The following CDK6 variants were observed in gnomAD, a reference collection of about 807,000 sequenced individuals.
CDK6 encodes the protein cyclin dependent kinase 6.
CDK6 carries 6 observed loss-of-function variants against 37.1 expected under a neutral mutation model. That is an observed-to-expected ratio of 0.16 (90% CI 0.09 to 0.32). CDK6 has a LOEUF of 0.32. CDK6 is among the 10% of genes least tolerant of loss of function. The pLI is 1.00. For synonymous variants in CDK6, 160 were observed against 161.3 expected (o/e 0.99, Z 0.06); for missense variants, 224 against 418.9 (o/e 0.53, Z 4.06).
chr7:92,623,359 G>A lies in CDK6; in HGVS notation c.648-273C>T, dbSNP rs904273662. On this transcript the variant is annotated intron_variant, in intron 5 of 7. Coordinates refer to ENST00000424848, the MANE Select transcript of CDK6 (RefSeq NM_001145306.2). ...CAGTCATTCTTACAACAGTGCTACCGTCAAATTCAGTTCCAGGTTTCAAAG... is the reference window on the plus strand; with the variant it reads ...CAGTCATTCTTACAACAGTGCTACCATCAAATTCAGTTCCAGGTTTCAAAG... 8.5e-5 allele frequency among the ~76,000 whole-genome samples: 13 copies of A among 152,228 alleles called. 1 individual carries two copies. The East Asian group carries it at 1.9e-3, about 23-fold the overall frequency.
chr7:92,806,058 T>C (rs1489629442), intron 2 of CDK6, among the ~76,000 whole-genome samples: 1 of 152,194 alleles, frequency 6.6e-6, no homozygotes, highest in Non-Finnish European at 1.5e-5. Context: ...CATTTAAAAA[T>C]GATTAAAACT....
rs904765446 is a variant in CDK6 at position 92,836,459 on chromosome 7, C to G, written c.-368+19G>C. ...CCCCCCACCCCGCAGCCCACCCACC[C>G]GAGCGCACAGCTCCTCACCTGAGGG... On this transcript the variant is annotated intron_variant, in intron 1 of 7. Transcript: ENST00000424848. 1.3e-5 allele frequency: 2 copies of G among 151,744 alleles called. No homozygotes were observed. The highest frequency in any genetic ancestry group is 2.9e-5 in the Non-Finnish European group (2 of 67,852). The allele number at this position is 151,744 out of a possible 1,614,324, so 9.4% of individuals were successfully genotyped here.
chr7:92,816,946 CA>C (rs976451158), intron 2 of CDK6, among the ~76,000 whole-genome samples: 1 of 151,546 alleles, frequency 6.6e-6, no homozygotes. Flanking sequence ...ACCACCCCCC[CA>C]AAAAAACCCT....
intron 4 of CDK6, among the ~76,000 whole-genome samples, chr7:92,710,310 A>G (rs968543186): frequency 6.6e-6 from 1 of 152,220 alleles, no homozygotes. Flanking sequence ...TAAAGAGACA[A>G]TAAAACCCTT....
At chr7:92,813,590 C>T (rs1286427708) in intron 2 of CDK6, among the ~76,000 whole-genome samples, 1 of 152,122 alleles carries the variant, frequency 6.6e-6, no homozygotes, top group Non-Finnish European at 1.5e-5. Context: ...GAAAAAATAG[C>T]GATAGAATTG....
intron 2 of CDK6, among the ~76,000 whole-genome samples, chr7:92,789,720 G>C (rs920262347): frequency 6.6e-6 from 1 of 152,152 alleles, no homozygotes; most frequent in Non-Finnish European, 1.5e-5. Flanking sequence ...GCCTGGGACT[G>C]TGGCAGGGAT....
intron 2 of CDK6, among the ~76,000 whole-genome samples, chr7:92,817,681 CAT>C (rs143874344): frequency 1.0e-3 from 155 of 150,622 alleles, no homozygotes; most frequent in African/African-American, 3.6e-3. Flanking sequence ...AAATAAAAGA[CAT>C]ATATATATAT....
chr7:92,690,809 T>A (rs1344459380), intron 4 of CDK6, among the ~76,000 whole-genome samples: 1 of 152,192 alleles, frequency 6.6e-6, no homozygotes. Flanking sequence ...AAGCAAAATA[T>A]ATGAAAACCT....
At chr7:92,778,946 T>TATATATATATATATATATAAAA (rs1479181745) in intron 2 of CDK6, among the ~76,000 whole-genome samples, 4 of 135,004 alleles carry the variant, frequency 3.0e-5, no homozygotes, top group Admixed American at 7.2e-5. Flanking sequence ...TATATATATA[T>TATATATATATATATATATAAAA]AAGATATTAT....
chr7:92,762,120 ACAAGATC>A (rs1799469675), intron 3 of CDK6, among the ~76,000 whole-genome samples: 1 of 152,232 alleles, frequency 6.6e-6, no homozygotes, highest in Admixed American at 6.5e-5. Context: ...CTTGAGGTTT[ACAAGATC>A]AATTGCTATG....
chr7:92,674,883 A>G (rs577831891), intron 4 of CDK6, among the ~76,000 whole-genome samples: 1 of 152,298 alleles, frequency 6.6e-6, no homozygotes, highest in South Asian at 2.1e-4. Flanking sequence ...CCAGACTGGA[A>G]TGCAATGGTG....
At chr7:92,780,289 A>G (rs1799954404) in intron 2 of CDK6, among the ~76,000 whole-genome samples, 1 of 152,206 alleles carries the variant, frequency 6.6e-6, no homozygotes, top group Non-Finnish European at 1.5e-5. Context: ...TTAATATAAC[A>G]AATGAGTTTC....
At chr7:92,788,575 T>C (rs1359202192) in intron 2 of CDK6, among the ~76,000 whole-genome samples, 1 of 152,230 alleles carries the variant, frequency 6.6e-6, no homozygotes, top group Non-Finnish European at 1.5e-5. Context: ...CATTAAATTA[T>C]AATCATTTAA....
intron 4 of CDK6, among the ~76,000 whole-genome samples, chr7:92,672,622 T>A (rs1288893322): frequency 1.4e-5 from 2 of 138,988 alleles, no homozygotes; most frequent in Admixed American, 7.2e-5. Flanking sequence ...AGTGATTCCT[T>A]TTGTGGGGGA....
In CDK6 at chr7:92,726,710, C is replaced by T. The variant is rs750140615; in HGVS notation, c.370-917G>A. On this transcript the variant is annotated intron_variant, in intron 3 of 7. Transcript: ENST00000424848. ...ACAGGTGTGAGCCACCATGCCCAGT[C>T]TTAATCAACTGTTTTAGAATATTAA... Among the ~76,000 whole-genome samples the T allele has an allele frequency of 7.2e-5, 11 of 152,348 alleles. 1 individual carries two copies. Among genetic ancestry groups the T allele is most frequent in the Non-Finnish European group, 1.6e-4 (11 of 68,022 alleles).
chr7:92,797,380 G>T (rs1463010860), intron 2 of CDK6, among the ~76,000 whole-genome samples: 3 of 152,198 alleles, frequency 2.0e-5, no homozygotes, highest in Non-Finnish European at 4.4e-5. Context: ...TACTGGAAAA[G>T]AATGCATTAA....
chr7:92,688,330 A>C (rs1277894779), intron 4 of CDK6, among the ~76,000 whole-genome samples: 4 of 152,176 alleles, frequency 2.6e-5, no homozygotes. Flanking sequence ...GTATTCTAAA[A>C]GGATAATATA....
intron 3 of CDK6, among the ~76,000 whole-genome samples, chr7:92,733,651 T>C (rs1040985488): frequency 1.3e-5 from 2 of 152,174 alleles, no homozygotes; most frequent in Non-Finnish European, 2.9e-5. Context: ...GTTTAAGCAG[T>C]CATTAAATTA....
chr7:92,739,257 C>T (rs112776204), intron 3 of CDK6, among the ~76,000 whole-genome samples: 9 of 152,302 alleles, frequency 5.9e-5, no homozygotes, highest in African/African-American at 2.2e-4. Context: ...GTGGCTTCAA[C>T]ATTTAGTCAC....
Sources: allele counts gnomAD v4.1 joint callset (sites outside exome capture counted in the v4.1 genomes callset), GRCh38; gene constraint gnomAD v4.1.1; transcripts MANE v1.5; gene names NCBI Gene and HGNC (gene_info 2026-07-23, HGNC 2026-07-21).